The following TXNDC12 variants were observed in gnomAD, a reference collection of about 807,000 sequenced individuals.
TXNDC12 encodes thioredoxin domain-containing protein 12.
In TXNDC12, 22 loss-of-function variants were observed where a neutral mutation model predicts 24.2. The observed-to-expected ratio is 0.91, with a 90% CI of 0.65 to 1.30. The LOEUF is 1.30. TXNDC12 is among the 50% of genes most tolerant of loss of function. The probability of loss-of-function intolerance (pLI) is 0.00; values close to 1 mark genes in which losing one functional copy is unlikely to be tolerated. For synonymous variants in TXNDC12, 58 were observed against 73.4 expected, an observed-to-expected ratio of 0.79 and a Z score of 1.07; for missense variants, 184 against 205.8, an observed-to-expected ratio of 0.89 and a Z score of 0.65.
intron 5 of TXNDC12, among the ~76,000 whole-genome samples, chr1:52,023,987 ACT>A (rs1172528921): frequency 2.7e-5 from 4 of 148,806 alleles, no homozygotes; most frequent in South Asian, 4.2e-4. Context: ...AAATGATCAA[ACT>A]CTTTTTTTTT....
rs573307425 is a variant in TXNDC12, at chr1:52,049,018, T to C, written c.97+5982A>G. On this transcript the variant is annotated intron_variant, in intron 1 of 6. Coordinates refer to ENST00000371626, the MANE Select transcript of TXNDC12 (RefSeq NM_015913.4). ...TACTGCAATGAGCTGTTCAATATGG[T>C]AGTCACTAGCCACATGTGGCTACAG... 3.3e-5 allele frequency among the ~76,000 whole-genome samples: 5 copies of C among 152,232 alleles called. No homozygotes were observed. In the South Asian group the frequency reaches 6.2e-4, roughly 19 times the overall value.
At position 52,020,378 on chromosome 1, in the gene TXNDC12, G is replaced by T; in HGVS notation, c.*555C>A. On this transcript the variant is annotated 3_prime_UTR_variant, in exon 7 of 7. Transcript: ENST00000371626. The stretch of plus-strand genomic sequence containing the variant: ...CAAGCATGAGAAGAGGAAAGAGGCT[G>T]TAGAAATTTGGGAAGAAGCCCACAA... The T allele has an allele frequency of 3.1e-6, 1 of 324,542 alleles. No individual in the cohort carries two copies. The highest frequency in any genetic ancestry group is 4.1e-5 in the South Asian group (1 of 24,264). The allele number at this position is 324,542 out of a possible 1,614,324, so 20.1% of individuals were successfully genotyped here. A position where few individuals can be genotyped will look rare whatever the true frequency, so the allele number is the denominator to read the frequency against.
At chr1:52,023,131 C>G (rs1490770199) in intron 6 of TXNDC12, 6 of 211,310 alleles carry the variant, frequency 2.8e-5, no homozygotes, top group African/African-American at 1.4e-4. Context: ...TCACCTAACA[C>G]TATTCCTCTT....
intron 4 of TXNDC12, among the ~76,000 whole-genome samples, chr1:52,025,550 T>C (rs904832133): frequency 6.6e-6 from 1 of 152,202 alleles, no homozygotes; most frequent in African/African-American, 2.4e-5. Context: ...ATTTCCAAAG[T>C]TGGAGAATCC....
chr1:52,053,595 C>T (rs193299170), intron 1 of TXNDC12, among the ~76,000 whole-genome samples: 1 of 151,978 alleles, frequency 6.6e-6, no homozygotes, highest in Admixed American at 6.5e-5. Context: ...ACCCAGGAGG[C>T]GGAGGTTGCA....
rs1426929114 is a variant in TXNDC12 at position 52,032,846 on chromosome 1, G to T, written c.159-4216C>A. 5.0e-6 allele frequency: 8 copies of T among 1,614,138 alleles called. No homozygotes were observed. In the Admixed American group the frequency reaches 1.3e-4, roughly 27 times the overall value. ...GTCAAGGGCCGGGTAAACCGCAAGT[G>T]CTCTGTGGTACCAGGAAGCGTGAGC... On this transcript the variant is annotated intron_variant, in intron 2 of 6. Coordinates refer to ENST00000371626, the MANE Select transcript of TXNDC12 (RefSeq NM_015913.4).
chr1:52,046,372 T>C (rs1429248522), intron 1 of TXNDC12, among the ~76,000 whole-genome samples: 1 of 151,650 alleles, frequency 6.6e-6, no homozygotes, highest in Non-Finnish European at 1.5e-5. Flanking sequence ...TACCAATAGG[T>C]TCTGGATATA....
rs377426971 is a variant in TXNDC12 at position 52,032,711 on chromosome 1, G to C, written c.159-4081C>G. The stretch of plus-strand genomic sequence containing the variant: ...ACCTCCTCTGGTCAGTGCAGGCTCT[G>C]GCTCAAATACTGAAGAAACATGTTG... On this transcript the variant is annotated intron_variant, in intron 2 of 6. Transcript: ENST00000371626. The C allele has an allele frequency of 1.6e-5, 25 of 1,608,284 alleles. No individual in the cohort carries two copies. Among genetic ancestry groups the C allele is most frequent in the Non-Finnish European group, 2.0e-5 (24 of 1,176,846 alleles).
chr1:52,043,061 C>T (rs903620802), intron 1 of TXNDC12, among the ~76,000 whole-genome samples: 1 of 152,248 alleles, frequency 6.6e-6, no homozygotes, highest in Non-Finnish European at 1.5e-5. Context: ...CCGCACCCGG[C>T]CCTTTCACTT....
At chr1:52,033,759 C>A in intron 2 of TXNDC12, 3 of 1,594,218 alleles carry the variant, frequency 1.9e-6, no homozygotes, top group Non-Finnish European at 1.7e-6. Flanking sequence ...CCACGAGCGG[C>A]ATCCTCTCAG....
At chr1:52,034,479 T>C (rs1685844393) in intron 2 of TXNDC12, among the ~76,000 whole-genome samples, 1 of 152,232 alleles carries the variant, frequency 6.6e-6, no homozygotes, top group African/African-American at 2.4e-5. Context: ...CCCAGTTACA[T>C]TTGAATTTCA....
rs770818133 is a variant in TXNDC12 at position 52,020,896 on chromosome 1, G to C, written c.*37C>G. Reference sequence around the variant, plus strand: ...TCCCTTCCCTGCTGCTTTCCTTCCAGAACACTAACTCTGATGAAAGAAGGG... The same window carrying C: ...TCCCTTCCCTGCTGCTTTCCTTCCACAACACTAACTCTGATGAAAGAAGGG... On this transcript the variant is annotated 3_prime_UTR_variant, in exon 7 of 7. Coordinates refer to ENST00000371626, the MANE Select transcript of TXNDC12 (RefSeq NM_015913.4). The C allele has an allele frequency of 6.5e-6, 10 of 1,546,774 alleles. No homozygotes were observed. Among genetic ancestry groups the C allele is most frequent in the Non-Finnish European group, 8.0e-6 (9 of 1,119,084 alleles).
intron 1 of TXNDC12, among the ~76,000 whole-genome samples, chr1:52,047,691 C>T (rs1686123831): frequency 6.6e-6 from 1 of 152,010 alleles, no homozygotes; most frequent in South Asian, 2.1e-4. Flanking sequence ...TTGCTTGAGC[C>T]CCGGAGTTTG....
At chr1:52,025,276 T>C (rs1472329888) in intron 4 of TXNDC12, among the ~76,000 whole-genome samples, 1 of 152,000 alleles carries the variant, frequency 6.6e-6, no homozygotes, top group African/African-American at 2.4e-5. Flanking sequence ...TGGAGTGCAG[T>C]TGTGCGATCT....
At chr1:52,055,341 G>C, upstream of TXNDC12, 2 of 460,538 alleles carry the variant, frequency 4.3e-6, no homozygotes, top group South Asian at 4.4e-5. Context: ...TCGAGCGCGA[G>C]TTGCTTTTCG....
At chr1:52,023,465 C>T in intron 6 of TXNDC12, 26 bp downstream of exon 6, 1 of 1,583,232 alleles carries the variant, frequency 6.3e-7, no homozygotes, top group African/African-American at 1.3e-5. Flanking sequence ...TAGCAATAAT[C>T]CTCCCTCCCT....
At chr1:52,032,833 G>C (rs1269331723) in intron 2 of TXNDC12, 1 of 1,614,216 alleles carries the variant, frequency 6.2e-7, no homozygotes, top group South Asian at 1.1e-5. Flanking sequence ...CAAGGGCCGG[G>C]TAAACCGCAA....
In TXNDC12 at chr1:52,034,396, C is replaced by T. The variant is rs184347094; in HGVS notation, c.159-5766G>A. The stretch of plus-strand genomic sequence containing the variant: ...ACTGAAGACTTTATGTAGAAATAGT[C>T]ATTTGACTTAGAACTTGAAAGACAA... On this transcript the variant is annotated intron_variant, in intron 2 of 6. Transcript: ENST00000371626. Among the ~76,000 whole-genome samples, 225 of 152,280 alleles carry T rather than the reference C, an allele frequency of 1.5e-3. 1 individual carries two copies. The highest frequency in any genetic ancestry group is 5.0e-3 in the Admixed American group (77 of 15,296).
Position 52,032,382 on chromosome 1 carries a change from G to T in TXNDC12, c.159-3752C>A, listed in dbSNP as rs977685688. The T allele has an allele frequency of 8.7e-5, 97 of 1,119,538 alleles. No homozygotes were observed. The African/African-American group carries it at 1.5e-3, about 18-fold the overall frequency. 69.4% of individuals were successfully genotyped at this position (1,119,538 alleles called of 1,614,324 possible). A position where few individuals can be genotyped will look rare whatever the true frequency, so the allele number is the denominator to read the frequency against. ...CAGTCTGCTCTCCCACGCCTCAGAT[G>T]AGGGAAGCCAATGGTCAATGCTCTG... On this transcript the variant is annotated intron_variant, in intron 2 of 6. Transcript: ENST00000371626.
Sources: gnomAD v4.1 joint callset for allele counts (sites outside exome capture counted in the v4.1 genomes callset) on GRCh38, gnomAD v4.1.1 for gene constraint, MANE v1.5 for transcripts, NCBI Gene and HGNC (gene_info 2026-07-23, HGNC 2026-07-21) for gene names.